AMBRA1: variants seen among roughly 807,000 people sequenced by gnomAD.
The protein encoded by AMBRA1 is activating molecule in BECN1-regulated autophagy protein 1.
A neutral mutation model predicts 125.4 loss-of-function variants in AMBRA1; 47 were observed. The observed-to-expected ratio is 0.37, with a 90% CI of 0.30 to 0.48. AMBRA1 has a LOEUF of 0.48. AMBRA1 is among the 20% of genes least tolerant of loss of function. The probability of loss-of-function intolerance (pLI) is 0.99; values close to 1 mark genes in which losing one functional copy is unlikely to be tolerated. For missense variants in AMBRA1, 1,331 were observed against 1,693.4 expected, an observed-to-expected ratio of 0.79 and a Z score of 3.76; for synonymous variants, 626 against 655.5, an observed-to-expected ratio of 0.95 and a Z score of 0.69.
At chr11:46,449,621 A>G (rs1299055340) in intron 11 of AMBRA1, among the ~76,000 whole-genome samples, 1 of 152,224 alleles carries the variant, frequency 6.6e-6, no homozygotes, top group African/African-American at 2.4e-5. Context: ...TACAGATTCA[A>G]CACAATCCCA....
intron 12 of AMBRA1, among the ~76,000 whole-genome samples, chr11:46,437,374 A>G (rs895371945): frequency 9.2e-5 from 14 of 152,226 alleles, no homozygotes; most frequent in East Asian, 1.9e-4. Flanking sequence ...GGCTACTGCA[A>G]TGAGCTCACA....
intron 1 of AMBRA1, among the ~76,000 whole-genome samples, chr11:46,553,068 G>A (rs536348042): frequency 5.9e-5 from 9 of 151,678 alleles, no homozygotes; most frequent in East Asian, 3.9e-4. Flanking sequence ...TCAGCCTCCC[G>A]AGTAGCTGGG....
intron 1 of AMBRA1, among the ~76,000 whole-genome samples, chr11:46,571,687 C>CTTTTTT (rs543760300): frequency 8.1e-6 from 1 of 123,922 alleles, no homozygotes; most frequent in Non-Finnish European, 1.7e-5. Flanking sequence ...ATCAATCAAT[C>CTTTTTT]TTTTTTTTTT....
chr11:46,564,296 C>CAT (rs1238682662), intron 1 of AMBRA1, among the ~76,000 whole-genome samples: 4 of 150,386 alleles, frequency 2.7e-5, no homozygotes, highest in East Asian at 2.0e-4. Context: ...GAATATAACA[C>CAT]ATATATATAC....
intron 1 of AMBRA1, among the ~76,000 whole-genome samples, chr11:46,572,225 C>T (rs970777234): frequency 4.6e-5 from 7 of 152,066 alleles, no homozygotes; most frequent in South Asian, 2.1e-4. Context: ...CGCTTAAACC[C>T]GGGAGGCGGA....
Position 46,548,333 on chromosome 11 carries a change from T to G in AMBRA1, c.48A>C (p.Arg16=), listed in dbSNP as rs1158815661. 2 of 1,614,110 alleles carry G rather than the reference T, an allele frequency of 1.2e-6. No individual in the cohort carries two copies. Among genetic ancestry groups the G allele is most frequent in the Non-Finnish European group, 1.7e-6 (2 of 1,180,024 alleles). ...CTCCCATGGCCCGAGCACCCCGTTCTCGCCCCCAGAGTATCCGGACAGCAT... is the reference window on the plus strand; with the variant it reads ...CTCCCATGGCCCGAGCACCCCGTTCGCGCCCCCAGAGTATCCGGACAGCAT... ...EKNAVRILWG[R]ERGARAMGAQ... is the part of the protein sequence containing the mutation. Residue 16 remains arginine, a synonymous_variant, in exon 2 of 18, where the codon CGA becomes CGC. Transcript: ENST00000683756.
At chr11:46,587,648 C>T (rs1449430970) in intron 1 of AMBRA1, among the ~76,000 whole-genome samples, 1 of 152,132 alleles carries the variant, frequency 6.6e-6, no homozygotes, top group East Asian at 1.9e-4. Flanking sequence ...ACCCAGGGCT[C>T]GCCTCACTCC....
chr11:46,512,593 C>G (rs868243615), intron 8 of AMBRA1, 134 bp downstream of exon 8: 1 of 628,000 alleles, frequency 1.6e-6, no homozygotes, highest in Non-Finnish European at 2.7e-6. Context: ...ACCTGAACCA[C>G]CTGTCTCAAA....
intron 11 of AMBRA1, among the ~76,000 whole-genome samples, chr11:46,487,059 A>T (rs927567368): frequency 6.6e-6 from 1 of 152,040 alleles, no homozygotes; most frequent in Non-Finnish European, 1.5e-5. Context: ...GGAGTTAGAG[A>T]CTAGCCTGGG....
intron 11 of AMBRA1, among the ~76,000 whole-genome samples, chr11:46,444,535 G>C (rs1454869684): frequency 6.6e-6 from 1 of 152,138 alleles, no homozygotes; most frequent in Non-Finnish European, 1.5e-5. Flanking sequence ...TGGAAGAATA[G>C]AACATTCTTG....
intron 16 of AMBRA1, among the ~76,000 whole-genome samples, chr11:46,409,568 G>C (rs759191810): frequency 6.6e-6 from 1 of 152,206 alleles, no homozygotes; most frequent in East Asian, 1.9e-4. Context: ...ACCCTTGCAG[G>C]TAGGGAGCAC....
chr11:46,461,220 G>T (rs1172961205), intron 11 of AMBRA1, among the ~76,000 whole-genome samples: 1 of 152,220 alleles, frequency 6.6e-6, no homozygotes, highest in Admixed American at 6.5e-5. Flanking sequence ...TCCAGCCTGG[G>T]TGACAGAGGA....
At chr11:46,478,349 T>C (rs1949906590) in intron 11 of AMBRA1, among the ~76,000 whole-genome samples, 1 of 152,174 alleles carries the variant, frequency 6.6e-6, no homozygotes, top group Non-Finnish European at 1.5e-5. Context: ...TTACAGCAAA[T>C]TAGTAAGTGC....
intron 11 of AMBRA1, among the ~76,000 whole-genome samples, chr11:46,475,811 G>A (rs913663682): frequency 5.3e-5 from 8 of 152,134 alleles, no homozygotes; most frequent in African/African-American, 7.2e-5. Context: ...TCTCAGATTC[G>A]GAGAAAGGTG....
intron 11 of AMBRA1, among the ~76,000 whole-genome samples, chr11:46,482,866 A>G (rs1209532512): frequency 6.6e-6 from 1 of 151,960 alleles, no homozygotes; most frequent in Non-Finnish European, 1.5e-5. Flanking sequence ...AAAATTAGCC[A>G]GGCGTGGTGG....
chr11:46,515,351 T>C (rs1951431537), intron 7 of AMBRA1, among the ~76,000 whole-genome samples: 1 of 152,110 alleles, frequency 6.6e-6, no homozygotes, highest in Non-Finnish European at 1.5e-5. Context: ...TGCGTGCCTA[T>C]AATCCCAGCT....
chr11:46,513,882 CTT>C (rs776154052), intron 7 of AMBRA1, among the ~76,000 whole-genome samples: 45 of 140,804 alleles, frequency 3.2e-4, no homozygotes, highest in Admixed American at 6.5e-4. Flanking sequence ...TTAGCTACAA[CTT>C]TTTTTTTTTT....
chr11:46,583,900 T>C (rs1274401946), intron 1 of AMBRA1, among the ~76,000 whole-genome samples: 18 of 142,062 alleles, frequency 1.3e-4, no homozygotes, highest in Non-Finnish European at 2.3e-4. Flanking sequence ...TGTGGAGAAA[T>C]AGGAACACTT....
chr11:46,585,698 ATATATATATATAT>A (rs2044366841), intron 1 of AMBRA1, among the ~76,000 whole-genome samples: 3 of 47,250 alleles, frequency 6.3e-5, no homozygotes, highest in South Asian at 5.9e-4. Context: ...AAAAAAAAAT[ATATATATATATAT>A]ATATATATAT....
Sources: gnomAD v4.1 joint callset for allele counts (sites outside exome capture counted in the v4.1 genomes callset) on GRCh38, gnomAD v4.1.1 for gene constraint, MANE v1.5 for transcripts, NCBI Gene and HGNC (gene_info 2026-07-23, HGNC 2026-07-21) for gene names.